GCNT4: variants seen among roughly 807,000 people sequenced by gnomAD.
The protein encoded by GCNT4 is beta-1,3-galactosyl-O-glycosyl-glycoprotein beta-1,6-N-acetylglucosaminyltransferase 4.
GCNT4 carries 17 observed loss-of-function variants against 31.3 expected under a neutral mutation model. That is an observed-to-expected ratio of 0.54 (90% CI 0.37 to 0.81). The LOEUF (loss-of-function observed/expected upper bound fraction) is 0.81, where lower values mean the gene tolerates loss of function less well. Among genes scored for constraint, GCNT4 ranks in the 40% least tolerant of loss-of-function variants. GCNT4 has a pLI of 0.00. For missense variants in GCNT4, 503 were observed against 525.5 expected, an observed-to-expected ratio of 0.96 and a Z score of 0.42; for synonymous variants, 158 against 190.6, an observed-to-expected ratio of 0.83 and a Z score of 1.41.
In GCNT4 at chr5:75,029,053, T is replaced by C. The variant is rs1238597156; in HGVS notation, c.985A>G (p.Lys329Glu). ...SIVQDFFAWS[K>E]DTYSPDEHFW... is the part of the protein sequence containing the mutation. ...TGCTCATCAGGAGAGTATGTGTCTT[T>C]AGACCAGGCAAAAAAGTCTTGAACG... Residue 329 changes from lysine (K) to glutamate (E), a missense_variant, in exon 4 of 4, where the codon AAA (lysine) becomes GAA (glutamate). Coordinates refer to ENST00000652361, the MANE Select transcript of GCNT4 (RefSeq NM_001366737.1). 11 of 1,614,046 alleles carry C rather than the reference T, an allele frequency of 6.8e-6. No individual in the cohort carries two copies. The highest frequency in any genetic ancestry group is 3.3e-5 in the Admixed American group (2 of 59,996).
chr5:75,037,060 G>A (rs1231784969), intron 3 of GCNT4, among the ~76,000 whole-genome samples: 1 of 152,148 alleles, frequency 6.6e-6, no homozygotes, highest in African/African-American at 2.4e-5. Flanking sequence ...AAATGTCAGG[G>A]CTTTTGCTTC....
At position 75,028,813 on chromosome 5, in the gene GCNT4, C is replaced by T; in HGVS notation, c.1225G>A (p.Ala409Thr). Residue 409 changes from alanine (A) to threonine (T), a missense_variant, in exon 4 of 4, where the codon GCT becomes ACT. By Grantham distance (58) the Ala-to-Thr change is moderately conservative. Transcript: ENST00000652361. Reference sequence around the variant, plus strand: ...TCCACCTTAGAATCAAATTTATTAGCAAACCAATGTCCATCTTTGATAAGC... The same window carrying T: ...TCCACCTTAGAATCAAATTTATTAGTAAACCAATGTCCATCTTTGATAAGC... ...RWLIKDGHWF[A>T]NKFDSKVDPI... The T allele has an allele frequency of 6.2e-7, 1 of 1,614,044 alleles. No individual in the cohort carries two copies. The highest frequency in any genetic ancestry group is 8.5e-7 in the Non-Finnish European group (1 of 1,179,992).
intron 1 of GCNT4, 47 bp downstream of exon 1, chr5:75,052,382 G>A (rs1743593671): frequency 1.3e-5 from 2 of 152,168 alleles, no homozygotes; most frequent in South Asian, 4.1e-4. Flanking sequence ...CCCCGTCAGG[G>A]AAAGCTGAGT....
chr5:75,025,468 T>C lies in GCNT4; in HGVS notation c.*3208A>G, dbSNP rs755206646. 2 of 152,118 alleles carry C rather than the reference T, an allele frequency of 1.3e-5. No homozygotes were observed. Among genetic ancestry groups the C allele is most frequent in the Non-Finnish European group, 2.9e-5 (2 of 68,010 alleles). The allele number at this position is 152,118 out of a possible 1,614,324, so 9.4% of individuals were successfully genotyped here. A position where few individuals can be genotyped will look rare whatever the true frequency, so the allele number is the denominator to read the frequency against. ...TGTAATGGGAACTGTATTTCAAAAA[T>C]GATAAGAAAACAAAATAGGAGATTT... On this transcript the variant is annotated 3_prime_UTR_variant, in exon 4 of 4. Coordinates refer to ENST00000652361, the MANE Select transcript of GCNT4 (RefSeq NM_001366737.1).
At chr5:75,017,912 T>G in the GCNT4 span, among the ~76,000 whole-genome samples, 1 of 152,142 alleles carries the variant, frequency 6.6e-6, no homozygotes, top group African/African-American at 2.4e-5. Context: ...GTGTAGCAGG[T>G]GCTGAGAACC....
chr5:75,052,911 G>A (rs921892193), upstream of GCNT4: 7 of 152,392 alleles, frequency 4.6e-5, no homozygotes, highest in African/African-American at 1.7e-4. Flanking sequence ...GCTGGGCTCT[G>A]AAGGGCCAGG....
At position 75,026,647 on chromosome 5, in the gene GCNT4, C is replaced by CAAAAAAAAAAAA. The variant is rs547466422; in HGVS notation, c.*2017_*2028dup. On this transcript the variant is annotated 3_prime_UTR_variant, in exon 4 of 4. Transcript: ENST00000652361. The stretch of plus-strand genomic sequence containing the variant: ...CATATACTATTTCAATCGATTCTCA[C>CAAAAAAAAAAAA]AAAAAAAAAAAAAAAAAAAAAAAAA... 2 of 65,804 alleles carry CAAAAAAAAAAAA rather than the reference C, an allele frequency of 3.0e-5. No homozygotes were observed. Among genetic ancestry groups the CAAAAAAAAAAAA allele is most frequent in the African/African-American group, 5.2e-5 (1 of 19,176 alleles). The allele number at this position is 65,804 out of a possible 1,614,324, so 4.1% of individuals were successfully genotyped here.
intron 3 of GCNT4, among the ~76,000 whole-genome samples, chr5:75,043,793 A>G (rs1743374468): frequency 1.3e-5 from 2 of 152,228 alleles, no homozygotes; most frequent in Non-Finnish European, 2.9e-5. Context: ...CTTAACCAAC[A>G]TATACATACG....
chr5:75,045,241 G>A (rs1021920049), intron 3 of GCNT4, among the ~76,000 whole-genome samples: 1 of 152,064 alleles, frequency 6.6e-6, no homozygotes, highest in African/African-American at 2.4e-5. Context: ...CACAGAACAC[G>A]GTCATTTTCC....
chr5:75,035,576 G>A (rs774913465), intron 3 of GCNT4, among the ~76,000 whole-genome samples: 2 of 152,184 alleles, frequency 1.3e-5, no homozygotes, highest in Non-Finnish European at 2.9e-5. Context: ...TAAAAATGGG[G>A]CTGGACTACT....
At position 75,029,261 on chromosome 5, in the gene GCNT4, G is replaced by C. The variant is rs1221511899; in HGVS notation, c.777C>G (p.Asn259Lys). ...GGTAAGTGAATCTTTCCAATTTACT[G>C]TTTGGGGGTTTCACCGTCTCCAACA... ...ANMLETVKPP[N>K]SKLERFTYHH... Residue 259 changes from asparagine to lysine, a missense_variant, in exon 4 of 4, where the codon AAC becomes AAG. Asn to Lys is a moderately conservative substitution (Grantham distance 94). Transcript: ENST00000652361. The C allele has an allele frequency of 4.3e-6, 7 of 1,613,982 alleles. No individual in the cohort carries two copies. The highest frequency in any genetic ancestry group is 5.9e-6 in the Non-Finnish European group (7 of 1,180,028).
At chr5:75,038,462 G>A (rs1743247869) in intron 3 of GCNT4, among the ~76,000 whole-genome samples, 1 of 152,114 alleles carries the variant, frequency 6.6e-6, no homozygotes, top group Non-Finnish European at 1.5e-5. Context: ...ATGTGTCTTG[G>A]TTCATTCCTG....
chr5:75,027,958 G>A lies in GCNT4; in HGVS notation c.*718C>T, dbSNP rs1738237379. 7.1e-6 allele frequency: 1 copy of A among 141,014 alleles called. No individual in the cohort carries two copies. The allele number at this position is 141,014 out of a possible 1,614,324, so 8.7% of individuals were successfully genotyped here. On this transcript the variant is annotated 3_prime_UTR_variant, in exon 4 of 4. Coordinates refer to ENST00000652361, the MANE Select transcript of GCNT4 (RefSeq NM_001366737.1). ...TACTGTTTTGTAACATGATAAAAAT[G>A]TTGTATAAATCCCTTCGCTCCTCTT...
At chr5:75,041,776 A>T (rs991415575) in intron 3 of GCNT4, among the ~76,000 whole-genome samples, 1 of 152,216 alleles carries the variant, frequency 6.6e-6, no homozygotes, top group African/African-American at 2.4e-5. Flanking sequence ...GCTTTATTTC[A>T]TCTGGTCCAC....
intron 3 of GCNT4, among the ~76,000 whole-genome samples, chr5:75,032,872 G>GGTGGGTGGGTGTGTGT (rs55942109): frequency 2.0e-4 from 26 of 130,646 alleles, no homozygotes; most frequent in Non-Finnish European, 4.1e-4. Context: ...CCCAAATAGG[G>GGTGGGTGGGTGTGTGT]GTGTGTGTGT....
the GCNT4 span, among the ~76,000 whole-genome samples, chr5:75,019,483 T>C: frequency 6.6e-6 from 1 of 152,036 alleles, no homozygotes; most frequent in African/African-American, 2.4e-5. Context: ...AAAGCACAGG[T>C]TGGGTATAGC....
chr5:75,034,633 G>A (rs1309491660), intron 3 of GCNT4, among the ~76,000 whole-genome samples: 6 of 152,176 alleles, frequency 3.9e-5, no homozygotes, highest in South Asian at 2.1e-4. Context: ...CTACCTGCCC[G>A]GGTAGACAAG....
chr5:75,030,045 G>C lies in GCNT4; in HGVS notation c.-1-7C>G. On this transcript the variant is annotated splice_region_variant and splice_polypyrimidine_tract_variant and intron_variant, in intron 3 of 3. Transcript: ENST00000652361. ...ACATTTGAATATCTTCATTCTGTAA[G>C]AGGAGAAAGAAATAATCCAGTTGGA... 6.3e-7 allele frequency: 1 copy of C among 1,575,622 alleles called. No individual in the cohort carries two copies. Among genetic ancestry groups the C allele is most frequent in the Middle Eastern group, 1.7e-4 (1 of 5,808 alleles).
intron 3 of GCNT4, among the ~76,000 whole-genome samples, chr5:75,033,234 G>A (rs1223023946): frequency 6.6e-6 from 1 of 152,174 alleles, no homozygotes; most frequent in Non-Finnish European, 1.5e-5. Context: ...CTGCATCCAG[G>A]CATCCTTGCC....
Sources: gnomAD v4.1 joint callset for allele counts (sites outside exome capture counted in the v4.1 genomes callset) on GRCh38, gnomAD v4.1.1 for gene constraint, MANE v1.5 for transcripts, NCBI Gene and HGNC (gene_info 2026-07-23, HGNC 2026-07-21) for gene names.